Variants in SRPK2 observed in about 807,000 individuals in gnomAD.
The protein encoded by SRPK2 is SFRS protein kinase 2.
A neutral mutation model predicts 90.8 loss-of-function variants in SRPK2; 21 were observed. The observed-to-expected ratio is 0.23, with a 90% CI of 0.16 to 0.33. The LOEUF is 0.33. Ranked by LOEUF, SRPK2 falls within the 10% of genes least tolerant of loss-of-function variation. The probability of loss-of-function intolerance (pLI) is 1.00; values close to 1 mark genes in which losing one functional copy is unlikely to be tolerated. For synonymous variants in SRPK2, 288 were observed against 311.1 expected (o/e 0.93, Z 0.78); for missense variants, 620 against 869.0 (o/e 0.71, Z 3.60).
intron 2 of SRPK2, among the ~76,000 whole-genome samples, chr7:105,281,774 C>A (rs1309125291): frequency 6.6e-6 from 1 of 151,756 alleles, no homozygotes; most frequent in Non-Finnish European, 1.5e-5. Flanking sequence ...AAGGCTTGTA[C>A]ACTGAAAACT....
intron 2 of SRPK2, among the ~76,000 whole-genome samples, chr7:105,281,792 A>G (rs917439537): frequency 3.9e-5 from 6 of 152,286 alleles, no homozygotes; most frequent in Admixed American, 2.0e-4. Flanking sequence ...ACTATAGAAC[A>G]CTGTTGAAAG....
At chr7:105,350,733 G>T (rs1051714555) in intron 2 of SRPK2, among the ~76,000 whole-genome samples, 1 of 150,884 alleles carries the variant, frequency 6.6e-6, no homozygotes, top group Admixed American at 6.6e-5. Flanking sequence ...TATTGGCCAG[G>T]CTGGTCTCCA....
At chr7:105,284,366 T>C (rs1807750931) in intron 2 of SRPK2, among the ~76,000 whole-genome samples, 1 of 152,198 alleles carries the variant, frequency 6.6e-6, no homozygotes, top group Admixed American at 6.5e-5. Flanking sequence ...TTAGTGGTTT[T>C]GGTGGCTGGC....
intron 3 of SRPK2, among the ~76,000 whole-genome samples, chr7:105,181,569 A>G (rs943419941): frequency 5.9e-5 from 9 of 152,200 alleles, no homozygotes; most frequent in African/African-American, 2.2e-4. Flanking sequence ...CTGCAGGAAC[A>G]TGGATGGAGC....
intron 2 of SRPK2, among the ~76,000 whole-genome samples, chr7:105,238,659 T>C (rs373743323): frequency 6.6e-6 from 1 of 152,214 alleles, no homozygotes; most frequent in African/African-American, 2.4e-5. Flanking sequence ...AGTCAGTTTG[T>C]ATTATTTGGA....
At chr7:105,352,779 T>C (rs979384676) in intron 2 of SRPK2, among the ~76,000 whole-genome samples, 11 of 152,116 alleles carry the variant, frequency 7.2e-5, no homozygotes, top group African/African-American at 2.7e-4. Flanking sequence ...CGCACGCCTG[T>C]AATCCCAGCT....
Position 105,369,125 on chromosome 7 carries a change from T to TTTTTTATTA in SRPK2, c.71+19522_71+19523insTAATAAAAA, listed in dbSNP as rs1248245096. Among the ~76,000 whole-genome samples the TTTTTTATTA allele has an allele frequency of 1.7e-4, 24 of 143,322 alleles. No individual in the cohort carries two copies. The East Asian group carries it at 2.1e-3, about 13-fold the overall frequency. The allele number at this position is 143,322 out of a possible 152,430, so 94.0% of individuals were successfully genotyped here. On this transcript the variant is annotated intron_variant, in intron 2 of 15. Transcript: ENST00000393651. ...TAATAGAGTTCTACACAAGATTTATTTTATTATTATTATTATTATTATTAT... is the reference window on the plus strand; with the variant it reads ...TAATAGAGTTCTACACAAGATTTATTTTTTTATTATTATTATTATTATTATTATTATTAT...
chr7:105,326,799 C>T (rs1244411581), intron 2 of SRPK2, among the ~76,000 whole-genome samples: 10 of 152,182 alleles, frequency 6.6e-5, no homozygotes, highest in African/African-American at 7.2e-5. Flanking sequence ...CGGTGGCTCA[C>T]GCCTGTAATC....
At chr7:105,252,025 C>A (rs1035961366) in intron 2 of SRPK2, among the ~76,000 whole-genome samples, 1 of 152,138 alleles carries the variant, frequency 6.6e-6, no homozygotes, top group Non-Finnish European at 1.5e-5. Flanking sequence ...TAAGAAACTA[C>A]ACTCCTTTTA....
chr7:105,154,762 C>T (rs1257000694), intron 7 of SRPK2, among the ~76,000 whole-genome samples: 1 of 152,132 alleles, frequency 6.6e-6, no homozygotes, highest in Non-Finnish European at 1.5e-5. Context: ...CTGCAACCTC[C>T]GTATCCTGGG....
intron 11 of SRPK2, among the ~76,000 whole-genome samples, chr7:105,137,732 C>T (rs1323440128): frequency 2.0e-5 from 3 of 152,184 alleles, no homozygotes; most frequent in Non-Finnish European, 4.4e-5. Context: ...CTTCTTTAGC[C>T]TGGCATTTAG....
chr7:105,175,398 T>C (rs1312287142), intron 3 of SRPK2, among the ~76,000 whole-genome samples: 3 of 152,138 alleles, frequency 2.0e-5, no homozygotes, highest in Non-Finnish European at 4.4e-5. Context: ...GGGAAATTTA[T>C]AGCACTAAAT....
chr7:105,167,468 T>A lies in SRPK2; in HGVS notation c.427-4A>T. 1 of 1,612,588 alleles carries A rather than the reference T, an allele frequency of 6.2e-7. No individual in the cohort carries two copies. Among genetic ancestry groups the A allele is most frequent in the South Asian group, 1.1e-5 (1 of 90,972 alleles). ...CACTGGGATCACTTTCTCGAACCTATGCCAAGAAAAATGAATGCAAGAACA... is the reference window on the plus strand; with the variant it reads ...CACTGGGATCACTTTCTCGAACCTAAGCCAAGAAAAATGAATGCAAGAACA... On this transcript the variant is annotated splice_region_variant and splice_polypyrimidine_tract_variant and intron_variant, in intron 5 of 15. Transcript: ENST00000393651.
chr7:105,312,747 C>T (rs979807136), intron 2 of SRPK2, among the ~76,000 whole-genome samples: 1 of 152,190 alleles, frequency 6.6e-6, no homozygotes, highest in African/African-American at 2.4e-5. Flanking sequence ...ATCAAGCATG[C>T]ATCCTGACTT....
intron 2 of SRPK2, among the ~76,000 whole-genome samples, chr7:105,310,491 A>G (rs1811584207): frequency 6.6e-6 from 1 of 152,054 alleles, no homozygotes; most frequent in African/African-American, 2.4e-5. Flanking sequence ...AAAAATATAA[A>G]ACTTTAGCAG....
At chr7:105,343,045 G>A (rs1233984472) in intron 2 of SRPK2, among the ~76,000 whole-genome samples, 2 of 152,208 alleles carry the variant, frequency 1.3e-5, no homozygotes, top group Non-Finnish European at 2.9e-5. Flanking sequence ...ATAAAAGTTT[G>A]CAGATAAGTG....
chr7:105,292,232 T>A (rs1462301712), intron 2 of SRPK2, among the ~76,000 whole-genome samples: 1 of 151,870 alleles, frequency 6.6e-6, no homozygotes, highest in African/African-American at 2.4e-5. Context: ...TTAGGCTGGG[T>A]GTGGTGGCTC....
chr7:105,325,637 C>T (rs1177236188), intron 2 of SRPK2, among the ~76,000 whole-genome samples: 1 of 150,608 alleles, frequency 6.6e-6, no homozygotes, highest in East Asian at 2.0e-4. Flanking sequence ...GCAGGAGGAT[C>T]GCTCCAGCCC....
At chr7:105,281,308 C>T (rs1402453098) in intron 2 of SRPK2, among the ~76,000 whole-genome samples, 3 of 152,042 alleles carry the variant, frequency 2.0e-5, no homozygotes, top group Non-Finnish European at 4.4e-5. Context: ...GTTAGCTGGG[C>T]TGGTCTCAAA....
Sources: allele counts gnomAD v4.1 joint callset (sites outside exome capture counted in the v4.1 genomes callset), GRCh38; gene constraint gnomAD v4.1.1; transcripts MANE v1.5; gene names NCBI Gene and HGNC (gene_info 2026-07-23, HGNC 2026-07-21).